Variants in SPAG16 observed in about 807,000 individuals in gnomAD.
SPAG16 encodes sperm associated antigen 16.
In SPAG16, 86 loss-of-function variants were observed where a neutral mutation model predicts 80.4. That is an observed-to-expected ratio of 1.07 (90% confidence interval 0.90 to 1.28). The LOEUF (loss-of-function observed/expected upper bound fraction) is 1.28. Among genes scored for constraint, SPAG16 ranks in the 50% most tolerant of loss-of-function variants. SPAG16 has a pLI of 0.00. For missense variants in SPAG16, 870 were observed against 765.3 expected, an observed-to-expected ratio of 1.14 and a Z score of -1.61; for synonymous variants, 294 against 265.9, an observed-to-expected ratio of 1.11 and a Z score of -1.03.
chr2:214,063,386 A>G (rs1032081000), intron 13 of SPAG16, among the ~76,000 whole-genome samples: 1 of 152,196 alleles, frequency 6.6e-6, no homozygotes, highest in Non-Finnish European at 1.5e-5. Flanking sequence ...AAAGTCCAAG[A>G]TCAAGGTGCT....
chr2:213,311,819 A>G (rs1163174458), intron 4 of SPAG16, among the ~76,000 whole-genome samples: 1 of 151,628 alleles, frequency 6.6e-6, no homozygotes, highest in Non-Finnish European at 1.5e-5. Context: ...CCACAGGAAA[A>G]AACACTTAGA....
chr2:213,803,456 A>T (rs2071543464), intron 10 of SPAG16, among the ~76,000 whole-genome samples: 1 of 152,232 alleles, frequency 6.6e-6, no homozygotes, highest in South Asian at 2.1e-4. Flanking sequence ...ATTGTATCAT[A>T]AGCTAGACTT....
intron 11 of SPAG16, among the ~76,000 whole-genome samples, chr2:213,873,493 A>T (rs1471703147): frequency 1.3e-5 from 2 of 151,420 alleles, no homozygotes; most frequent in Non-Finnish European, 2.9e-5. Context: ...AAATTCTTTT[A>T]TTTATTTACA....
At chr2:213,912,252 T>C (rs2077709978) in intron 11 of SPAG16, among the ~76,000 whole-genome samples, 1 of 152,178 alleles carries the variant, frequency 6.6e-6, no homozygotes, top group Non-Finnish European at 1.5e-5. Context: ...TCAATATACA[T>C]TTATAAATGT....
At chr2:213,734,886 G>A (rs1333021452) in intron 10 of SPAG16, among the ~76,000 whole-genome samples, 1 of 152,028 alleles carries the variant, frequency 6.6e-6, no homozygotes, top group Non-Finnish European at 1.5e-5. Context: ...CATATGATGT[G>A]ACAATTGTTA....
chr2:213,430,091 C>T (rs546197609), intron 9 of SPAG16, among the ~76,000 whole-genome samples: 50 of 152,122 alleles, frequency 3.3e-4, no homozygotes, highest in Admixed American at 9.8e-4. Flanking sequence ...ACAAAGAAAT[C>T]GGAGAATCAA....
intron 15 of SPAG16, among the ~76,000 whole-genome samples, chr2:214,178,261 C>G (rs2057193974): frequency 6.7e-6 from 1 of 150,332 alleles, no homozygotes; most frequent in South Asian, 2.1e-4. Context: ...AAACACTGTG[C>G]TATATTTTTA....
chr2:213,976,226 A>ATATATACACGTGTGTATACATACGTG (rs1397601059), intron 12 of SPAG16, among the ~76,000 whole-genome samples: 2 of 150,780 alleles, frequency 1.3e-5, no homozygotes, highest in African/African-American at 4.9e-5. Context: ...ACGCATATAC[A>ATATATACACGTGTGTATACATACGTG]TATATACACG....
At chr2:214,285,682 A>G (rs1693303657) in intron 15 of SPAG16, among the ~76,000 whole-genome samples, 1 of 152,124 alleles carries the variant, frequency 6.6e-6, no homozygotes, top group African/African-American at 2.4e-5. Context: ...GGGTGCCTGT[A>G]ATTCCAGCTA....
intron 15 of SPAG16, among the ~76,000 whole-genome samples, chr2:214,304,666 C>T (rs1194466337): frequency 6.6e-6 from 1 of 152,062 alleles, no homozygotes; most frequent in Non-Finnish European, 1.5e-5. Flanking sequence ...GTCTTTAATT[C>T]CTCTAGTGCC....
chr2:213,573,863 T>A (rs771979851), intron 10 of SPAG16, among the ~76,000 whole-genome samples: 36 of 152,302 alleles, frequency 2.4e-4, no homozygotes, highest in Non-Finnish European at 4.4e-4. Flanking sequence ...TACATAAAGC[T>A]CTTAAAGTTT....
chr2:213,725,811 C>T (rs796935408), intron 10 of SPAG16, among the ~76,000 whole-genome samples: 6 of 152,270 alleles, frequency 3.9e-5, no homozygotes, highest in African/African-American at 1.4e-4. Context: ...CAACAGCAAC[C>T]TAAATAGCTT....
intron 15 of SPAG16, among the ~76,000 whole-genome samples, chr2:214,182,166 A>G (rs2057329056): frequency 6.6e-6 from 1 of 151,678 alleles, no homozygotes; most frequent in African/African-American, 2.4e-5. Context: ...TTGTACATGT[A>G]TATATATAAC....
chr2:213,824,044 G>C (rs889306910), intron 10 of SPAG16, among the ~76,000 whole-genome samples: 1 of 151,990 alleles, frequency 6.6e-6, no homozygotes. Context: ...TTATAGTTTT[G>C]GGTTTTACAT....
chr2:214,161,971 T>G (rs2125604871), intron 15 of SPAG16, among the ~76,000 whole-genome samples: 1 of 152,266 alleles, frequency 6.6e-6, no homozygotes, highest in South Asian at 2.1e-4. Context: ...CACAAAAATA[T>G]TCTTCTCTTC....
rs548564155 is a variant in SPAG16, at chr2:214,177,097, A to T, written c.1720+27831A>T. Among the ~76,000 whole-genome samples the T allele has an allele frequency of 2.6e-5, 4 of 151,346 alleles. No individual in the cohort carries two copies. The East Asian group carries it at 7.8e-4, about 29-fold the overall frequency. On this transcript the variant is annotated intron_variant, in intron 15 of 15. Coordinates refer to ENST00000331683, the MANE Select transcript of SPAG16 (RefSeq NM_024532.5). ...GTTTGGAATAAATCTCTTAAACACA[A>T]TTCTCAGTATGTGAGCTTATGATAT...
intron 10 of SPAG16, among the ~76,000 whole-genome samples, chr2:213,747,670 G>A (rs1419626876): frequency 6.6e-6 from 1 of 152,208 alleles, no homozygotes; most frequent in Non-Finnish European, 1.5e-5. Context: ...CAACAGGCTA[G>A]ACCATATAGC....
chr2:214,286,250 A>G (rs892060198), intron 15 of SPAG16, among the ~76,000 whole-genome samples: 1 of 152,142 alleles, frequency 6.6e-6, no homozygotes. Flanking sequence ...TGGAGATCTA[A>G]CGTACAACAA....
At chr2:213,860,437 T>TATA (rs72116627) in intron 10 of SPAG16, among the ~76,000 whole-genome samples, 38,346 of 130,850 alleles carry the variant, frequency 0.29, 6,240 homozygotes, top group South Asian at 0.43. Flanking sequence ...ATCTATATAT[T>TATA]TATAGATATA....
Sources: allele counts gnomAD v4.1 joint callset (sites outside exome capture counted in the v4.1 genomes callset), GRCh38; gene constraint gnomAD v4.1.1; transcripts MANE v1.5; gene names NCBI Gene and HGNC (gene_info 2026-07-23, HGNC 2026-07-21).